ZNF644: variants seen among roughly 807,000 people sequenced by gnomAD.
ZNF644 encodes the protein zinc finger motif enhancer binding protein 2.
In ZNF644, 20 loss-of-function variants were observed where a neutral mutation model predicts 108.0. The observed-to-expected ratio is 0.19, with a 90% confidence interval of 0.13 to 0.27. The LOEUF (loss-of-function observed/expected upper bound fraction) is 0.27, where lower values mean the gene tolerates loss of function less well. ZNF644 is among the 10% of genes least tolerant of loss of function. ZNF644 has a pLI of 1.00. For synonymous variants in ZNF644, 542 were observed against 539.1 expected (o/e 1.01, Z -0.08); for missense variants, 1,338 against 1,548.9 (o/e 0.86, Z 2.29).
At position 90,940,064 on chromosome 1, in the gene ZNF644, C is replaced by T. The variant is rs1402414143; in HGVS notation, c.1290G>A (p.Met430Ile). 6.2e-7 allele frequency: 1 copy of T among 1,614,090 alleles called. No individual in the cohort carries two copies. The highest frequency in any genetic ancestry group is 1.1e-5 in the South Asian group (1 of 91,082). ...AGTGACTATTCCCATCTAAATGATA[C>T]ATCATATGCCTGTGGAGGTGCTTCT... ...REKKHLHRHM[M>I]YHLDGNSHFR... is the part of the protein sequence containing the mutation. The change falls in exon 3 of 6, where the codon ATG (methionine) becomes ATA (isoleucine). Residue 430 changes from methionine (M) to isoleucine (I), a missense_variant. This residue lies in a region of ZNF644 where 80 missense variants were observed against 183.0 expected (regional missense o/e 0.44). Transcript: ENST00000337393.
At position 91,005,414 on chromosome 1, in the gene ZNF644, T is replaced by C. The variant is rs937581858; in HGVS notation, c.-18+16576A>G. Among the ~76,000 whole-genome samples, 11 of 152,252 alleles carry C rather than the reference T, an allele frequency of 7.2e-5. No individual in the cohort carries two copies. In the East Asian group the frequency reaches 9.6e-4, roughly 13 times the overall value. On this transcript the variant is annotated intron_variant, in intron 1 of 5. Transcript: ENST00000337393. ...TTAATACTTCACATTCAGTAATGGA[T>C]AGTATAGATAGAAGATCAAGGAAAT...
rs141219254 is a variant in ZNF644, at chr1:90,957,751, C to A, written c.45-16442G>T. On this transcript the variant is annotated intron_variant, in intron 2 of 5. Transcript: ENST00000337393. ...TACCACTTTTACCACTGCCATTCAA[C>A]ACTGTACTAAAAGTCAGTCAGAGCA... Among the ~76,000 whole-genome samples the A allele has an allele frequency of 1.7e-3, 252 of 152,228 alleles. 2 individuals carry two copies. Among genetic ancestry groups the A allele is most frequent in the African/African-American group, 6.0e-3 (248 of 41,546 alleles).
rs1651845797 is a variant in ZNF644 at position 90,940,498 on chromosome 1, C to A, written c.856G>T (p.Gly286Cys). The change falls in exon 3 of 6, where the codon GGT (glycine) becomes TGT (cysteine). Residue 286 changes from glycine to cysteine, a missense_variant. Gly to Cys is a radical substitution (Grantham distance 159, BLOSUM62 -3). Around this residue, in one of 6 missense-constraint regions of ZNF644, gnomAD observed 464 missense variants for 457.9 expected, o/e 1.01. Coordinates refer to ENST00000337393, the MANE Select transcript of ZNF644 (RefSeq NM_201269.3). ...TTTCGCTTTCTTTTTTTTTCTAGAC[C>A]TATTTTAGAATGAGGTGGAGCTTTA... ...VDKAPPHSKI[G>C]LEKKRKRKMD... 1.1e-5 allele frequency: 18 copies of A among 1,613,504 alleles called. No individual in the cohort carries two copies. The highest frequency in any genetic ancestry group is 1.4e-5 in the Non-Finnish European group (17 of 1,179,842).
At chr1:91,014,481 C>T (rs889937539) in intron 1 of ZNF644, among the ~76,000 whole-genome samples, 6 of 152,094 alleles carry the variant, frequency 3.9e-5, no homozygotes, top group Non-Finnish European at 7.4e-5. Flanking sequence ...ATAAATTATA[C>T]AATTTTTCAT....
chr1:90,927,475 C>T (rs114448952), intron 4 of ZNF644, among the ~76,000 whole-genome samples: 1,674 of 152,206 alleles, frequency 0.011, 38 homozygotes, highest in African/African-American at 0.038. Context: ...ATCCAAGCTA[C>T]TCAAGGCAAA....
At chr1:91,017,779 T>G (rs780638660) in intron 1 of ZNF644, among the ~76,000 whole-genome samples, 2 of 151,994 alleles carry the variant, frequency 1.3e-5, no homozygotes, top group Admixed American at 6.6e-5. Context: ...CTGGCCAACA[T>G]GATGAAACCC....
chr1:91,021,968 C>G, intron 1 of ZNF644, 22 bp downstream of exon 1: 1 of 398,904 alleles, frequency 2.5e-6, no homozygotes, highest in Non-Finnish European at 4.4e-6. Flanking sequence ...GCGAATCTGA[C>G]CAAATAACCC....
At chr1:90,980,394 T>A (rs760176197) in intron 2 of ZNF644, among the ~76,000 whole-genome samples, 1 of 152,210 alleles carries the variant, frequency 6.6e-6, no homozygotes, top group Non-Finnish European at 1.5e-5. Context: ...TTTATTCATA[T>A]AATCCTCAGC....
rs1487067513 is a variant in ZNF644, at chr1:90,940,788, T to G, written c.566A>C (p.His189Pro). The G allele has an allele frequency of 1.5e-5, 25 of 1,613,874 alleles. No homozygotes were observed. The highest frequency in any genetic ancestry group is 1.9e-5 in the Non-Finnish European group (22 of 1,179,966). Residue 189 changes from histidine to proline, a missense_variant, in exon 3 of 6, where the codon CAT becomes CCT. Physicochemically the swap from His to Pro is moderately conservative, Grantham distance 77. Coordinates refer to ENST00000337393, the MANE Select transcript of ZNF644 (RefSeq NM_201269.3). Reference sequence around the variant, plus strand: ...AGAGGTAGGTAGTTTTTTATTGGAATGGGTGGGATTCTTAGCATGTGCTAC... The same window carrying G: ...AGAGGTAGGTAGTTTTTTATTGGAAGGGGTGGGATTCTTAGCATGTGCTAC... Reference protein sequence around the residue: ...SDVAHAKNPTHSNKKLPTSAS... With the variant: ...SDVAHAKNPTPSNKKLPTSAS...
chr1:91,009,057 G>A (rs1330656669), intron 1 of ZNF644, among the ~76,000 whole-genome samples: 4 of 152,014 alleles, frequency 2.6e-5, no homozygotes. Flanking sequence ...AACAAAGTGC[G>A]ACCCCATCTC....
chr1:90,943,726 G>A (rs1652244082), intron 2 of ZNF644, among the ~76,000 whole-genome samples: 1 of 152,122 alleles, frequency 6.6e-6, no homozygotes, highest in African/African-American at 2.4e-5. Flanking sequence ...TGGTGCTAAT[G>A]CATCACCCAG....
intron 2 of ZNF644, among the ~76,000 whole-genome samples, chr1:90,942,950 T>A (rs1324668616): frequency 6.6e-6 from 1 of 152,188 alleles, no homozygotes; most frequent in Non-Finnish European, 1.5e-5. Context: ...TGCTCTCAGA[T>A]AAAGAATGAA....
chr1:91,011,422 ATAT>A, intron 1 of ZNF644, among the ~76,000 whole-genome samples: 1 of 152,334 alleles, frequency 6.6e-6, no homozygotes, highest in Non-Finnish European at 1.5e-5. Context: ...ATGTGAAGAT[ATAT>A]TTTTTATTAT....
At chr1:91,008,867 A>T (rs1459487424) in intron 1 of ZNF644, among the ~76,000 whole-genome samples, 1 of 152,238 alleles carries the variant, frequency 6.6e-6, no homozygotes, top group Non-Finnish European at 1.5e-5. Context: ...CAGTAGAAAG[A>T]CAAAAAATTG....
At chr1:90,954,207 TGGA>T (rs1557593632) in intron 2 of ZNF644, among the ~76,000 whole-genome samples, 1 of 152,218 alleles carries the variant, frequency 6.6e-6, no homozygotes, top group Non-Finnish European at 1.5e-5. Flanking sequence ...CTTTTGATAT[TGGA>T]GTCAATCTTC....
At chr1:90,947,157 G>A (rs1051788813) in intron 2 of ZNF644, among the ~76,000 whole-genome samples, 2 of 152,164 alleles carry the variant, frequency 1.3e-5, no homozygotes, top group Non-Finnish European at 2.9e-5. Flanking sequence ...TCCTAATGAA[G>A]AATTCTGCAA....
chr1:90,957,445 T>A (rs529433619), intron 2 of ZNF644, among the ~76,000 whole-genome samples: 8 of 152,288 alleles, frequency 5.3e-5, no homozygotes, highest in African/African-American at 1.7e-4. Context: ...CAAGTGGGAT[T>A]TACCCCAGGA....
intron 4 of ZNF644, chr1:90,935,342 G>T: frequency 1.0e-6 from 1 of 984,168 alleles, no homozygotes; most frequent in Non-Finnish European, 1.2e-6. Context: ...ATTAACACCA[G>T]TCTGGTGGGG....
chr1:90,996,788 T>C (rs1333476048), intron 1 of ZNF644, among the ~76,000 whole-genome samples: 1 of 151,942 alleles, frequency 6.6e-6, no homozygotes, highest in Non-Finnish European at 1.5e-5. Context: ...GCTTTATAAC[T>C]AAAAACAAAA....
Sources: allele counts gnomAD v4.1 joint callset (sites outside exome capture counted in the v4.1 genomes callset), GRCh38; gene constraint gnomAD v4.1.1; regional missense constraint gnomAD v4.1.1; transcripts MANE v1.5; gene names NCBI Gene and HGNC (gene_info 2026-07-23, HGNC 2026-07-21).